Variants in PRKG1 observed in about 807,000 individuals in gnomAD.
The protein encoded by PRKG1 is cGMP-dependent protein kinase 1.
A neutral mutation model predicts 88.1 loss-of-function variants in PRKG1; 35 were observed. The observed-to-expected ratio is 0.40, with a 90% CI of 0.30 to 0.53. The LOEUF is 0.53. Ranked by LOEUF, PRKG1 falls within the 20% of genes least tolerant of loss-of-function variation. PRKG1 has a pLI of 0.59. For missense variants in PRKG1, 540 were observed against 839.8 expected (o/e 0.64, Z 4.41); for synonymous variants, 303 against 292.5 (o/e 1.04, Z -0.37).
chr10:51,503,529 G>A (rs1841097758), intron 3 of PRKG1, among the ~76,000 whole-genome samples: 1 of 152,148 alleles, frequency 6.6e-6, no homozygotes, highest in Admixed American at 6.6e-5. Flanking sequence ...AAATTGCATT[G>A]ACCTTCTCTA....
chr10:51,252,363 T>C (rs1839449261), intron 2 of PRKG1, among the ~76,000 whole-genome samples: 1 of 151,842 alleles, frequency 6.6e-6, no homozygotes, highest in South Asian at 2.1e-4. Context: ...CACTTGGTGC[T>C]TATTTTTAAG....
intron 9 of PRKG1, among the ~76,000 whole-genome samples, chr10:52,195,369 G>T (rs1019482456): frequency 6.6e-6 from 1 of 152,060 alleles, no homozygotes; most frequent in Non-Finnish European, 1.5e-5. Flanking sequence ...TAATCAAAGA[G>T]CATGCATAAG....
At chr10:51,588,140 T>C (rs1275741061) in intron 3 of PRKG1, among the ~76,000 whole-genome samples, 1 of 152,210 alleles carries the variant, frequency 6.6e-6, no homozygotes, top group Non-Finnish European at 1.5e-5. Flanking sequence ...TGCTCATTCA[T>C]TTAAACCAGA....
At chr10:51,898,499 A>C (rs1841904426) in intron 4 of PRKG1, among the ~76,000 whole-genome samples, 1 of 152,128 alleles carries the variant, frequency 6.6e-6, no homozygotes, top group African/African-American at 2.4e-5. Flanking sequence ...TTTGATGAAG[A>C]AACAAATTAA....
Position 52,293,941 on chromosome 10 carries a change from T to G in PRKG1, c.*41T>G. The G allele has an allele frequency of 6.6e-7, 1 of 1,524,232 alleles. No homozygotes were observed. The allele number at this position is 1,524,232 out of a possible 1,614,324, so 94.4% of individuals were successfully genotyped here. ...TGCTTCTGCCTTGCTGAAGACAGCT[T>G]TTTCTGAGACACAGCTGCCAGCAAA... On this transcript the variant is annotated 3_prime_UTR_variant, in exon 18 of 18. Transcript: ENST00000373980.
chr10:51,912,010 G>A (rs1842228879), intron 5 of PRKG1, among the ~76,000 whole-genome samples: 1 of 152,114 alleles, frequency 6.6e-6, no homozygotes, highest in African/African-American at 2.4e-5. Flanking sequence ...TTTCAGTGAA[G>A]GATACTATGA....
chr10:51,552,865 C>T (rs1265569362), intron 3 of PRKG1, among the ~76,000 whole-genome samples: 2 of 151,510 alleles, frequency 1.3e-5, no homozygotes, highest in African/African-American at 4.8e-5. Context: ...CAGTTTGGCT[C>T]CTGTCAGCAG....
intron 5 of PRKG1, among the ~76,000 whole-genome samples, chr10:51,961,358 C>T (rs1270752837): frequency 6.6e-6 from 1 of 151,180 alleles, no homozygotes; most frequent in African/African-American, 2.4e-5. Context: ...GAGGAACCTG[C>T]AGATGTGGAG....
intron 3 of PRKG1, among the ~76,000 whole-genome samples, chr10:51,735,285 T>C (rs1837236006): frequency 6.6e-6 from 1 of 152,148 alleles, no homozygotes; most frequent in South Asian, 2.1e-4. Context: ...TTCTAAGTCC[T>C]TGGTTTAGAA....
chr10:51,525,770 C>T (rs1231229483), intron 3 of PRKG1, among the ~76,000 whole-genome samples: 1 of 151,596 alleles, frequency 6.6e-6, no homozygotes, highest in Non-Finnish European at 1.5e-5. Flanking sequence ...CATATACCTA[C>T]CACCAACCTT....
chr10:51,629,811 G>A (rs1035503575), intron 3 of PRKG1, among the ~76,000 whole-genome samples: 2 of 152,130 alleles, frequency 1.3e-5, no homozygotes, highest in Non-Finnish European at 2.9e-5. Flanking sequence ...TGGTTGGGGA[G>A]TAATACTCAA....
chr10:52,291,239 T>C (rs1842235514), intron 17 of PRKG1, among the ~76,000 whole-genome samples: 1 of 58,540 alleles, frequency 1.7e-5, no homozygotes. Context: ...CACTCTTTTA[T>C]TTTTTTATTT....
chr10:51,379,765 A>G (rs749961371), intron 2 of PRKG1, among the ~76,000 whole-genome samples: 14 of 152,210 alleles, frequency 9.2e-5, no homozygotes, highest in Non-Finnish European at 1.8e-4. Context: ...CTAACCTTTG[A>G]GACAAGGAAT....
chr10:52,142,791 A>G (rs1311745314), intron 8 of PRKG1, among the ~76,000 whole-genome samples: 2 of 152,110 alleles, frequency 1.3e-5, no homozygotes, highest in African/African-American at 2.4e-5. Flanking sequence ...TCGCCTGTTG[A>G]TTTTCATTGT....
At chr10:51,377,189 T>A (rs190164935) in intron 2 of PRKG1, among the ~76,000 whole-genome samples, 1 of 152,352 alleles carries the variant, frequency 6.6e-6, no homozygotes, top group East Asian at 1.9e-4. Flanking sequence ...TTATTTCACG[T>A]AGTAGTTCAG....
At chr10:51,132,780 G>A (rs1295083201) in intron 1 of PRKG1, among the ~76,000 whole-genome samples, 1 of 149,644 alleles carries the variant, frequency 6.7e-6, no homozygotes, top group East Asian at 1.9e-4. Flanking sequence ...AAGGCAGATG[G>A]TAAAATAGCT....
chr10:52,089,469 T>G (rs1026826947), intron 7 of PRKG1, among the ~76,000 whole-genome samples: 4 of 152,190 alleles, frequency 2.6e-5, no homozygotes, highest in Admixed American at 2.6e-4. Flanking sequence ...ATTTTTATTT[T>G]GGTCCCACAT....
intron 2 of PRKG1, among the ~76,000 whole-genome samples, chr10:51,374,091 A>ATATATATATATATATATATAT (rs1554801042): frequency 3.1e-5 from 2 of 64,742 alleles, no homozygotes; most frequent in Non-Finnish European, 7.5e-5. Flanking sequence ...GCAAAAAAAA[A>ATATATATATATATATATATAT]AAATATATAT....
At chr10:51,775,566 AATT>A (rs527646906) in intron 3 of PRKG1, among the ~76,000 whole-genome samples, 10 of 150,966 alleles carry the variant, frequency 6.6e-5, no homozygotes, top group South Asian at 2.1e-4. Context: ...CCAGTTCTTT[AATT>A]ATTATTATTA....
Sources: allele counts gnomAD v4.1 joint callset (sites outside exome capture counted in the v4.1 genomes callset), GRCh38; gene constraint gnomAD v4.1.1; transcripts MANE v1.5; gene names NCBI Gene and HGNC (gene_info 2026-07-23, HGNC 2026-07-21).